CCK: variants seen among roughly 807,000 people sequenced by gnomAD.
CCK encodes the protein cholecystokinin triacontatriapeptide.
Under a neutral mutation model 10.1 loss-of-function variants are expected in CCK, and 11 were observed. The ratio of observed to expected loss-of-function variants is 1.09; its 90% CI spans 0.69 to 1.81. The LOEUF (loss-of-function observed/expected upper bound fraction) is 1.81, where lower values mean the gene tolerates loss of function less well. CCK is among the 40% of genes most tolerant of loss of function. The probability of loss-of-function intolerance (pLI) is 0.00; values close to 1 mark genes in which losing one functional copy is unlikely to be tolerated. For synonymous variants in CCK, 83 were observed against 71.9 expected (o/e 1.15, Z -0.78); for missense variants, 137 against 159.9 (o/e 0.86, Z 0.77).
intron 4 of CCK, among the ~76,000 whole-genome samples, chr3:42,259,203 G>T (rs941527431): frequency 6.6e-6 from 1 of 152,056 alleles, no homozygotes; most frequent in Admixed American, 6.5e-5. Context: ...GGCCTATCGG[G>T]GGGTGGGGGT....
chr3:42,260,246 T>C (rs1559424188), intron 4 of CCK, among the ~76,000 whole-genome samples: 1 of 152,214 alleles, frequency 6.6e-6, no homozygotes, highest in Non-Finnish European at 1.5e-5. Flanking sequence ...TGCTATTTAA[T>C]TGTTCATCAT....
At chr3:42,264,031 G>A (rs1276479120) in intron 3 of CCK, 1 of 175,996 alleles carries the variant, frequency 5.7e-6, no homozygotes, top group African/African-American at 2.4e-5. Flanking sequence ...CTCCGTGGGA[G>A]AAATGAGAAC....
intron 4 of CCK, among the ~76,000 whole-genome samples, chr3:42,261,828 A>G (rs1403889718): frequency 6.6e-6 from 1 of 152,192 alleles, no homozygotes; most frequent in Non-Finnish European, 1.5e-5. Flanking sequence ...GACAGATACT[A>G]AATTATTTTC....
At chr3:42,262,752 T>G (rs1577102752) in intron 4 of CCK, among the ~76,000 whole-genome samples, 2 of 110,334 alleles carry the variant, frequency 1.8e-5, no homozygotes, top group Admixed American at 1.9e-4. Context: ...TGCATGCCAC[T>G]CGGCTAGTGA....
At chr3:42,263,390 T>A in intron 4 of CCK, 27 bp downstream of exon 4, 1 of 1,613,622 alleles carries the variant, frequency 6.2e-7, no homozygotes, top group South Asian at 1.1e-5. Context: ...AGGGCAGAAG[T>A]GAGGGATGGG....
chr3:42,261,662 C>T (rs1283048119), intron 4 of CCK, among the ~76,000 whole-genome samples: 4 of 146,272 alleles, frequency 2.7e-5, no homozygotes, highest in Non-Finnish European at 4.5e-5. Flanking sequence ...AGACTCAATT[C>T]GGCACATTTC....
intron 4 of CCK, among the ~76,000 whole-genome samples, chr3:42,259,270 CA>C (rs1183778869): frequency 1.3e-5 from 2 of 152,092 alleles, no homozygotes; most frequent in African/African-American, 4.8e-5. Flanking sequence ...TTGATGGGTG[CA>C]GCAAACCACC....
chr3:42,259,314 A>G (rs559875491), intron 4 of CCK, among the ~76,000 whole-genome samples: 62 of 152,328 alleles, frequency 4.1e-4, no homozygotes, highest in Admixed American at 3.0e-3. Flanking sequence ...ACAAACCTGC[A>G]TGTTCTGCAC....
At chr3:42,260,582 A>G (rs1711197435) in intron 4 of CCK, among the ~76,000 whole-genome samples, 1 of 152,194 alleles carries the variant, frequency 6.6e-6, no homozygotes, top group Non-Finnish European at 1.5e-5. Flanking sequence ...GTGCTGACAT[A>G]GAGTAGGGGC....
Sources: gnomAD v4.1 joint callset for allele counts (sites outside exome capture counted in the v4.1 genomes callset) on GRCh38, gnomAD v4.1.1 for gene constraint, MANE v1.5 for transcripts, NCBI Gene and HGNC (gene_info 2026-07-23, HGNC 2026-07-21) for gene names.